The following GADL1 variants were observed in gnomAD, a reference collection of about 807,000 sequenced individuals.
GADL1 encodes the protein GAD like acidic amino acid decarboxylase 1, also known as acidic amino acid decarboxylase GADL1.
Under a neutral mutation model 69.5 loss-of-function variants are expected in GADL1, and 71 were observed. The observed-to-expected ratio is 1.02, with a 90% CI of 0.84 to 1.25. GADL1 has a LOEUF of 1.25. Ranked by LOEUF, GADL1 falls within the 50% of genes most tolerant of loss-of-function variation. GADL1 has a pLI of 0.00. For missense variants in GADL1, 737 were observed against 631.8 expected (o/e 1.17, Z -1.79); for synonymous variants, 254 against 214.4 (o/e 1.18, Z -1.62).
intron 11 of GADL1, among the ~76,000 whole-genome samples, chr3:30,802,597 G>A (rs929838654): frequency 3.9e-5 from 6 of 152,194 alleles, no homozygotes; most frequent in African/African-American, 1.2e-4. Context: ...TTAGCTGAAT[G>A]AAAAGGAAAT....
At chr3:30,843,873 C>A (rs1422125099) in intron 8 of GADL1, among the ~76,000 whole-genome samples, 1 of 152,134 alleles carries the variant, frequency 6.6e-6, no homozygotes, top group Non-Finnish European at 1.5e-5. Context: ...AGAGGAGAGG[C>A]TAGGGCCCTG....
chr3:30,773,590 C>G (rs1386503765), intron 14 of GADL1, among the ~76,000 whole-genome samples: 1 of 152,118 alleles, frequency 6.6e-6, no homozygotes, highest in Non-Finnish European at 1.5e-5. Flanking sequence ...ACTACAGTGG[C>G]TGTTTTAAAC....
At chr3:30,845,919 C>A (rs1039227439) in intron 6 of GADL1, among the ~76,000 whole-genome samples, 21 of 152,022 alleles carry the variant, frequency 1.4e-4, no homozygotes, top group African/African-American at 5.1e-4. Context: ...ATGCTCTCCC[C>A]CTGAGAAATA....
chr3:30,778,565 G>A, intron 13 of GADL1: 1 of 236,260 alleles, frequency 4.2e-6, no homozygotes, highest in South Asian at 8.5e-5. Flanking sequence ...GTTAGTGCCT[G>A]CTTACATACA....
chr3:30,732,601 T>C (rs552112385), intron 14 of GADL1, among the ~76,000 whole-genome samples: 20 of 152,126 alleles, frequency 1.3e-4, no homozygotes, highest in African/African-American at 4.3e-4. Context: ...TAAAATAAAA[T>C]GACTTTCTTT....
At chr3:30,742,491 T>C (rs116097939) in intron 14 of GADL1, among the ~76,000 whole-genome samples, 1,959 of 152,246 alleles carry the variant, frequency 0.013, 17 homozygotes, top group Non-Finnish European at 0.018. Context: ...TCTACTGCAG[T>C]ACATTTCTAA....
At chr3:30,739,857 A>G (rs893847655) in intron 14 of GADL1, among the ~76,000 whole-genome samples, 2 of 152,188 alleles carry the variant, frequency 1.3e-5, no homozygotes. Context: ...ACTAATAAAG[A>G]GTCTTTACCA....
intron 14 of GADL1, among the ~76,000 whole-genome samples, chr3:30,776,127 T>C (rs1469818170): frequency 6.6e-6 from 1 of 152,324 alleles, no homozygotes; most frequent in South Asian, 2.1e-4. Context: ...GATTAGCTTA[T>C]ATATCCATAC....
intron 1 of GADL1, among the ~76,000 whole-genome samples, chr3:30,888,840 C>A (rs1698745687): frequency 6.6e-6 from 1 of 151,650 alleles, no homozygotes; most frequent in Non-Finnish European, 1.5e-5. Context: ...GAAAAAGGGA[C>A]CCTGAATTCC....
intron 14 of GADL1, among the ~76,000 whole-genome samples, chr3:30,772,770 G>A (rs998410276): frequency 5.3e-5 from 8 of 152,146 alleles, no homozygotes; most frequent in Non-Finnish European, 8.8e-5. Context: ...CAGCAACTTG[G>A]GAGGCTGAGG....
At chr3:30,878,940 A>G (rs894647087) in intron 1 of GADL1, among the ~76,000 whole-genome samples, 1 of 151,932 alleles carries the variant, frequency 6.6e-6, no homozygotes. Context: ...GTTCTGTTTA[A>G]CTGTGTAAAC....
intron 2 of GADL1, among the ~76,000 whole-genome samples, chr3:30,860,035 T>C (rs1180484844): frequency 6.6e-6 from 1 of 151,896 alleles, no homozygotes; most frequent in Non-Finnish European, 1.5e-5. Flanking sequence ...CCTTTTGCAA[T>C]GCTCTTTCCA....
In GADL1 at chr3:30,754,826, T is replaced by C. The variant is rs1410759930; in HGVS notation, c.1392+23353A>G. 2.6e-5 allele frequency among the ~76,000 whole-genome samples: 4 copies of C among 151,376 alleles called. No individual in the cohort carries two copies. In the East Asian group the frequency reaches 5.9e-4, roughly 22 times the overall value. On this transcript the variant is annotated intron_variant, in intron 14 of 14. Transcript: ENST00000282538. Reference sequence around the variant, plus strand: ...TTTTTCTAAAAATGAATTTTAACTCTGTTCTATGAGGGGGCAAAAACTGCA... The same window carrying C: ...TTTTTCTAAAAATGAATTTTAACTCCGTTCTATGAGGGGGCAAAAACTGCA...
chr3:30,810,878 C>T (rs375268599), intron 11 of GADL1, among the ~76,000 whole-genome samples: 3 of 152,258 alleles, frequency 2.0e-5, no homozygotes, highest in South Asian at 2.1e-4. Context: ...GTCCCTCCCC[C>T]TCCTGCTACA....
At chr3:30,857,428 A>G (rs562146841) in intron 2 of GADL1, among the ~76,000 whole-genome samples, 2 of 152,158 alleles carry the variant, frequency 1.3e-5, no homozygotes, top group South Asian at 2.1e-4. Context: ...GAGGTTCTAG[A>G]TGGAAGTGAC....
chr3:30,760,907 C>T (rs575297135), intron 14 of GADL1, among the ~76,000 whole-genome samples: 1 of 152,198 alleles, frequency 6.6e-6, no homozygotes, highest in South Asian at 2.1e-4. Flanking sequence ...GGAAACTGGC[C>T]ATTCCTGCTT....
At chr3:30,878,350 G>T (rs1698603437) in intron 1 of GADL1, among the ~76,000 whole-genome samples, 3 of 151,844 alleles carry the variant, frequency 2.0e-5, no homozygotes, top group Middle Eastern at 3.2e-3. Flanking sequence ...AATCGTCCAG[G>T]ACCTTCATGG....
rs557015137 is a variant in GADL1, at chr3:30,751,269, A to G, written c.1393-22854T>C. On this transcript the variant is annotated intron_variant, in intron 14 of 14. Transcript: ENST00000282538. ...AACCAATTGGAGGCCTCTAAAGGGCACGTGGGGGGTGTTGCCAATTCTTTT... is the reference window on the plus strand; with the variant it reads ...AACCAATTGGAGGCCTCTAAAGGGCGCGTGGGGGGTGTTGCCAATTCTTTT... Among the ~76,000 whole-genome samples, 66 of 152,190 alleles carry G rather than the reference A, an allele frequency of 4.3e-4. 1 individual carries two copies. The highest frequency in any genetic ancestry group is 4.1e-3 in the Admixed American group (63 of 15,262).
chr3:30,813,129 C>G (rs1697393592), intron 11 of GADL1, among the ~76,000 whole-genome samples: 1 of 152,044 alleles, frequency 6.6e-6, no homozygotes, highest in Admixed American at 6.6e-5. Context: ...CAAAGGCATT[C>G]AGTAGTCATT....
Sources: allele counts gnomAD v4.1 joint callset (sites outside exome capture counted in the v4.1 genomes callset), GRCh38; gene constraint gnomAD v4.1.1; transcripts MANE v1.5; gene names NCBI Gene and HGNC (gene_info 2026-07-23, HGNC 2026-07-21).